SELENOF: variants seen among roughly 807,000 people sequenced by gnomAD.
The protein encoded by SELENOF is 15 kDa selenoprotein.
Under a neutral mutation model 20.5 loss-of-function variants are expected in SELENOF, and 16 were observed. That is an observed-to-expected ratio of 0.78 (90% confidence interval 0.53 to 1.19). The LOEUF (loss-of-function observed/expected upper bound fraction) is 1.19. Among genes scored for constraint, SELENOF ranks in the 50% most tolerant of loss-of-function variants. The probability of loss-of-function intolerance (pLI) is 0.00; values close to 1 mark genes in which losing one functional copy is unlikely to be tolerated. For synonymous variants in SELENOF, 78 were observed against 74.5 expected (o/e 1.05, Z -0.24); for missense variants, 215 against 194.2 (o/e 1.11, Z -0.64).
At chr1:86,900,598 C>A (rs940600846) in intron 2 of SELENOF, among the ~76,000 whole-genome samples, 4 of 150,416 alleles carry the variant, frequency 2.7e-5, no homozygotes, top group African/African-American at 9.8e-5. Flanking sequence ...GAGAGGGAGA[C>A]CGTGGGGAGA....
chr1:86,866,230 CTGTGTGTG>C lies in SELENOF; in HGVS notation c.366+1815_366+1822del, dbSNP rs60714256. On this transcript the variant is annotated intron_variant, in intron 4 of 4. Coordinates refer to ENST00000331835, the MANE Select transcript of SELENOF (RefSeq NM_004261.5). ...AAAAAAAAAAAAAAAGTGTGTGTCT[CTGTGTGTG>C]TGTGTGTGTGTGTGTGTGTGTGTGT... Among the ~76,000 whole-genome samples, 85 of 113,680 alleles carry C rather than the reference CTGTGTGTG, an allele frequency of 7.5e-4. 1 individual carries two copies. The highest frequency in any genetic ancestry group is 1.4e-3 in the South Asian group (4 of 2,932). The allele number at this position is 113,680 out of a possible 152,430, so 74.6% of individuals were successfully genotyped here.
At chr1:86,893,039 A>AG (rs1659428127) in intron 2 of SELENOF, among the ~76,000 whole-genome samples, 1 of 152,188 alleles carries the variant, frequency 6.6e-6, no homozygotes, top group Non-Finnish European at 1.5e-5. Context: ...CTCTAGAATC[A>AG]AATAGACCTG....
intron 2 of SELENOF, among the ~76,000 whole-genome samples, 189 bp from the exon 3 acceptor site, chr1:86,880,914 A>G (rs1157407499): frequency 6.6e-6 from 1 of 152,370 alleles, no homozygotes; most frequent in African/African-American, 2.4e-5. Flanking sequence ...AGGCCCAAGT[A>G]TAATAAATGG....
At chr1:86,908,460 T>G (rs917368349) in intron 1 of SELENOF, among the ~76,000 whole-genome samples, 1 of 152,214 alleles carries the variant, frequency 6.6e-6, no homozygotes, top group Non-Finnish European at 1.5e-5. Context: ...AGGTTTAGGA[T>G]AGTTAAGGTA....
intron 2 of SELENOF, among the ~76,000 whole-genome samples, chr1:86,898,335 G>C (rs887196448): frequency 1.1e-4 from 17 of 152,048 alleles, no homozygotes. Context: ...GAATGACAAG[G>C]GGTTTCAAAG....
chr1:86,908,871 T>C (rs1328539513), intron 1 of SELENOF, among the ~76,000 whole-genome samples: 3 of 152,222 alleles, frequency 2.0e-5, no homozygotes, highest in Non-Finnish European at 4.4e-5. Context: ...TTCTATTGCT[T>C]ATTTAAGCAT....
At chr1:86,906,653 G>A (rs760410389) in intron 1 of SELENOF, among the ~76,000 whole-genome samples, 2 of 152,206 alleles carry the variant, frequency 1.3e-5, no homozygotes, top group Admixed American at 6.5e-5. Flanking sequence ...AAGGGCCCAT[G>A]TAGAGAGCAA....
chr1:86,870,620 A>AAAT (rs1342750232), intron 3 of SELENOF, among the ~76,000 whole-genome samples: 7 of 142,616 alleles, frequency 4.9e-5, no homozygotes, highest in South Asian at 2.2e-4. Flanking sequence ...CACTTATTAA[A>AAAT]ATATTTTTTT....
intron 2 of SELENOF, among the ~76,000 whole-genome samples, chr1:86,893,149 T>C (rs1272624026): frequency 1.3e-5 from 2 of 152,186 alleles, no homozygotes; most frequent in Admixed American, 6.5e-5. Context: ...ATTTACATTA[T>C]AGGGTTGTTG....
intron 2 of SELENOF, among the ~76,000 whole-genome samples, chr1:86,889,018 A>G (rs1006269726): frequency 1.3e-5 from 2 of 152,214 alleles, no homozygotes; most frequent in Non-Finnish European, 2.9e-5. Flanking sequence ...AAATTGTGGT[A>G]TCTCCCTATA....
chr1:86,880,775 T>G, intron 2 of SELENOF, 50 bp from the exon 3 acceptor site: 1 of 1,140,674 alleles, frequency 8.8e-7, no homozygotes, highest in Non-Finnish European at 1.2e-6. Context: ...ATTAAAAATG[T>G]ACTTATAAAA....
Position 86,896,579 on chromosome 1 carries a change from T to C in SELENOF, c.252+6702A>G, listed in dbSNP as rs112254968. Among the ~76,000 whole-genome samples, 10 of 152,340 alleles carry C rather than the reference T, an allele frequency of 6.6e-5. 1 individual carries two copies. The highest frequency in any genetic ancestry group is 2.1e-4 in the South Asian group (1 of 4,830). ...ACAATTTTAATCTGATGGTCATGTA[T>C]ACTTTGAAAAAATACCTATTAAGGT... On this transcript the variant is annotated intron_variant, in intron 2 of 4. Coordinates refer to ENST00000331835, the MANE Select transcript of SELENOF (RefSeq NM_004261.5).
At chr1:86,888,458 A>G (rs939669944) in intron 2 of SELENOF, among the ~76,000 whole-genome samples, 5 of 152,150 alleles carry the variant, frequency 3.3e-5, no homozygotes, top group Non-Finnish European at 4.4e-5. Flanking sequence ...AAATTTTTGT[A>G]GAGATGGGGT....
chr1:86,894,773 G>T (rs1194869165), intron 2 of SELENOF, among the ~76,000 whole-genome samples: 1 of 152,148 alleles, frequency 6.6e-6, no homozygotes, highest in African/African-American at 2.4e-5. Context: ...GGAGTTGGAG[G>T]CTGCTGTGAG....
chr1:86,896,829 A>C (rs927180119), intron 2 of SELENOF, among the ~76,000 whole-genome samples: 2 of 152,226 alleles, frequency 1.3e-5, no homozygotes, highest in Admixed American at 1.3e-4. Flanking sequence ...ATTTCAGGAT[A>C]TAAGTGAAAT....
chr1:86,864,585 T>C (rs1017014811), intron 4 of SELENOF, among the ~76,000 whole-genome samples: 1 of 151,978 alleles, frequency 6.6e-6, no homozygotes, highest in African/African-American at 2.4e-5. Context: ...AAATAGGCCA[T>C]CCAGGCTAAT....
At chr1:86,914,396 T>A, upstream of SELENOF, 1 of 484,862 alleles carries the variant, frequency 2.1e-6, no homozygotes, top group Non-Finnish European at 3.8e-6. Context: ...AGCCACGCCT[T>A]CGCCAGTTTT....
chr1:86,908,704 G>T (rs572410501), intron 1 of SELENOF, among the ~76,000 whole-genome samples: 4 of 152,276 alleles, frequency 2.6e-5, no homozygotes, highest in Admixed American at 2.0e-4. Context: ...ATCTCAGAAA[G>T]AATGATACAC....
chr1:86,890,071 C>T (rs1659337376), intron 2 of SELENOF, among the ~76,000 whole-genome samples: 1 of 152,212 alleles, frequency 6.6e-6, no homozygotes, highest in African/African-American at 2.4e-5. Flanking sequence ...TAAAGTTCAA[C>T]TTCTTATGAA....
Sources: gnomAD v4.1 joint callset for allele counts (sites outside exome capture counted in the v4.1 genomes callset) on GRCh38, gnomAD v4.1.1 for gene constraint, MANE v1.5 for transcripts, NCBI Gene and HGNC (gene_info 2026-07-23, HGNC 2026-07-21) for gene names.